The following CRYM variants were observed in gnomAD, a reference collection of about 807,000 sequenced individuals.
CRYM encodes ketimine reductase mu-crystallin.
Under a neutral mutation model 32.9 loss-of-function variants are expected in CRYM, and 18 were observed. That is an observed-to-expected ratio of 0.55 (90% CI 0.38 to 0.81). CRYM has a LOEUF of 0.81. Among genes scored for constraint, CRYM ranks in the 30% least tolerant of loss-of-function variants. The pLI, the probability that CRYM is intolerant of heterozygous loss-of-function variation, is 0.00. For missense variants in CRYM, 337 were observed against 393.5 expected, an observed-to-expected ratio of 0.86 and a Z score of 1.21; for synonymous variants, 153 against 152.4, an observed-to-expected ratio of 1.00 and a Z score of -0.03.
chr16:21,299,095 C>T (rs111671833), intron 1 of CRYM, among the ~76,000 whole-genome samples: 26 of 152,218 alleles, frequency 1.7e-4, no homozygotes, highest in African/African-American at 6.0e-4. Context: ...CTGTTTCACA[C>T]GTGAGGCTAT....
intron 1 of CRYM, among the ~76,000 whole-genome samples, chr16:21,293,950 C>G (rs3912444): frequency 0.049 from 7,395 of 152,168 alleles, 590 homozygotes; most frequent in African/African-American, 0.17. Context: ...CCAAAGGAAA[C>G]TAACCACAAA....
intron 1 of CRYM, among the ~76,000 whole-genome samples, chr16:21,286,470 AC>A (rs2093407542): frequency 2.0e-5 from 3 of 147,902 alleles, no homozygotes; most frequent in African/African-American, 7.5e-5. Flanking sequence ...CAGGTGACCC[AC>A]CCGCCTCGGC....
rs911544434 is a variant in CRYM at position 21,258,852 on chromosome 16, T to G, written c.881-7A>C. The G allele has an allele frequency of 1.9e-6, 3 of 1,613,902 alleles. No homozygotes were observed. The African/African-American group carries it at 4.0e-5, about 22-fold the overall frequency. ...GTGTCTTCCACTGCCATTCCTAGAA[T>G]AGACAGAAATTTGGTTCGCCTTTGG... On this transcript the variant is annotated splice_region_variant and splice_polypyrimidine_tract_variant and intron_variant, in intron 7 of 7. Coordinates refer to ENST00000572914, the MANE Select transcript of CRYM (RefSeq NM_001376256.1).
intron 1 of CRYM, among the ~76,000 whole-genome samples, chr16:21,302,401 G>A (rs551016461): frequency 6.6e-6 from 1 of 152,222 alleles, no homozygotes; most frequent in Non-Finnish European, 1.5e-5. Flanking sequence ...GAAGTTCAGT[G>A]ATTATAGGTA....
intron 1 of CRYM, among the ~76,000 whole-genome samples, chr16:21,290,534 C>A (rs117409240): frequency 0.028 from 4,253 of 152,238 alleles, 85 homozygotes; most frequent in Middle Eastern, 0.061. Flanking sequence ...GTCAGCGAGA[C>A]CAAGAACCCA....
In CRYM at chr16:21,278,085, CT is replaced by C. The variant is rs1330899938; in HGVS notation, c.166del (p.Arg56GlyfsTer17). 9 of 1,545,180 alleles carry C rather than the reference CT, an allele frequency of 5.8e-6. No individual in the cohort carries two copies. Among genetic ancestry groups the C allele is most frequent in the Admixed American group, 3.9e-5 (2 of 50,974 alleles). ...VRTVVPVTKH[R>X]GYLGVMPAYS... The stretch of plus-strand genomic sequence containing the variant: ...GACCCCGACCCTCCTCACTCACCCC[CT>C]GTGCTTGGTCACCGGCACCACGGTG... On this transcript the variant is annotated frameshift_variant, in exon 1 of 8. Coordinates refer to ENST00000572914, the MANE Select transcript of CRYM (RefSeq NM_001376256.1). LOFTEE classifies it high-confidence loss of function.
intron 1 of CRYM, among the ~76,000 whole-genome samples, chr16:21,301,863 G>A (rs575781808): frequency 6.6e-6 from 1 of 152,216 alleles, no homozygotes; most frequent in African/African-American, 2.4e-5. Flanking sequence ...CGGCGGAGGC[G>A]GAGGCGGCAG....
At position 21,277,730 on chromosome 16, in the gene CRYM, G is replaced by C; in HGVS notation, c.171-146C>G. On this transcript the variant is annotated intron_variant, in intron 1 of 7. Transcript: ENST00000572914. This position sits in a 1 kb window ranked among gnomAD's most constrained non-coding sequence, Gnocchi z 4.2. ...CCCGCATCCCTCTGCCCTTCCCTTA[G>C]ACACTATGCACAGTATGTTCAGAAG... The C allele has an allele frequency of 1.1e-6, 1 of 918,884 alleles. No individual in the cohort carries two copies. Among genetic ancestry groups the C allele is most frequent in the South Asian group, 1.5e-5 (1 of 65,820 alleles). The allele number at this position is 918,884 out of a possible 1,614,324, so 56.9% of individuals were successfully genotyped here.
chr16:21,296,278 A>T (rs1165795052), intron 1 of CRYM, among the ~76,000 whole-genome samples: 4 of 152,216 alleles, frequency 2.6e-5, no homozygotes, highest in African/African-American at 9.6e-5. Context: ...CTTACTTTTC[A>T]AGAGCTAATA....
intron 1 of CRYM, chr16:21,284,120 A>C (rs1597625055): frequency 6.7e-6 from 1 of 149,852 alleles, no homozygotes; most frequent in Non-Finnish European, 1.5e-5. Flanking sequence ...ACCCATAGGG[A>C]CTTAGGGTTG....
At position 21,289,683 on chromosome 16, in the gene CRYM, C is replaced by G. The variant is rs182809744; in HGVS notation, c.-192-10723G>C. Among the ~76,000 whole-genome samples, 149 of 152,258 alleles carry G rather than the reference C, an allele frequency of 9.8e-4. 3 individuals are homozygous for G. Among genetic ancestry groups the G allele is most frequent in the Non-Finnish European group, 3.4e-4 (23 of 68,020 alleles). On this transcript the variant is annotated intron_variant, in intron 1 of 9. Transcript: ENST00000219599. ...TACCTCCTCACTCAGGTGACACCCTCTCTTCTGTCAAAGTGAGAGTTGAAG... is the reference window on the plus strand; with the variant it reads ...TACCTCCTCACTCAGGTGACACCCTGTCTTCTGTCAAAGTGAGAGTTGAAG...
chr16:21,299,706 G>A (rs780070232), intron 1 of CRYM, among the ~76,000 whole-genome samples: 3 of 152,160 alleles, frequency 2.0e-5, no homozygotes, highest in Non-Finnish European at 4.4e-5. Flanking sequence ...CACATAATAA[G>A]ACTAGTTCAT....
chr16:21,297,531 T>C (rs1960813701), intron 1 of CRYM, among the ~76,000 whole-genome samples: 2 of 152,206 alleles, frequency 1.3e-5, no homozygotes, highest in Admixed American at 1.3e-4. Flanking sequence ...TAAGAACTAA[T>C]GGTGGGCATT....
At chr16:21,285,725 A>G (rs1049492783) in intron 1 of CRYM, among the ~76,000 whole-genome samples, 5 of 152,248 alleles carry the variant, frequency 3.3e-5, no homozygotes, top group African/African-American at 1.2e-4. Context: ...GAATACTCAC[A>G]GTTTCCAAAT....
intron 5 of CRYM, among the ~76,000 whole-genome samples, chr16:21,266,802 C>T (rs1355041828): frequency 6.6e-6 from 1 of 151,794 alleles, no homozygotes; most frequent in Non-Finnish European, 1.5e-5. Flanking sequence ...GCCAGGAGTT[C>T]GAGACCAGCC....
At chr16:21,281,562 C>T (rs2093398242), upstream of CRYM, among the ~76,000 whole-genome samples, 1 of 152,146 alleles carries the variant, frequency 6.6e-6, no homozygotes, top group Admixed American at 6.5e-5. Flanking sequence ...AATTACAACT[C>T]ATCCAAATCA....
intron 1 of CRYM, among the ~76,000 whole-genome samples, chr16:21,286,220 A>AT (rs35658566): frequency 0.31 from 45,638 of 145,444 alleles, 7,690 homozygotes; most frequent in East Asian, 0.48. Context: ...TAAAGACAGA[A>AT]TTTTTTTTTT....
intron 5 of CRYM, among the ~76,000 whole-genome samples, chr16:21,263,709 AG>A (rs1442403868): frequency 6.6e-6 from 1 of 152,256 alleles, no homozygotes; most frequent in African/African-American, 2.4e-5. Context: ...CCCTGGCACC[AG>A]GACACAGGAG....
chr16:21,283,420 T>C (rs1446331044), intron 1 of CRYM: 1 of 152,124 alleles, frequency 6.6e-6, no homozygotes, highest in Non-Finnish European at 1.5e-5. Context: ...CCAATACAGC[T>C]CCTCACGAAA....
Sources: allele counts gnomAD v4.1 joint callset (sites outside exome capture counted in the v4.1 genomes callset), GRCh38; gene constraint gnomAD v4.1.1; non-coding constraint Gnocchi (gnomAD v3.1); transcripts MANE v1.5; gene names NCBI Gene and HGNC (gene_info 2026-07-23, HGNC 2026-07-21).